Variants in MMP26 observed in about 807,000 individuals in gnomAD.
MMP26 encodes matrix metalloproteinase-26.
In MMP26, 33 loss-of-function variants were observed where a neutral mutation model predicts 31.0. That is an observed-to-expected ratio of 1.06 (90% CI 0.81 to 1.42). MMP26 has a LOEUF of 1.42. Ranked by LOEUF, MMP26 falls within the 40% of genes most tolerant of loss-of-function variation. The probability of loss-of-function intolerance (pLI) is 0.00; values close to 1 mark genes in which losing one functional copy is unlikely to be tolerated. For missense variants in MMP26, 347 were observed against 316.1 expected, an observed-to-expected ratio of 1.10 and a Z score of -0.74; for synonymous variants, 122 against 114.9, an observed-to-expected ratio of 1.06 and a Z score of -0.40.
Position 4,962,055 on chromosome 11 carries a change from T to G in MMP26, c.-144-26013T>G, listed in dbSNP as rs568523919. Among the ~76,000 whole-genome samples, 5 of 152,262 alleles carry G rather than the reference T, an allele frequency of 3.3e-5. No homozygotes were observed. In the South Asian group the frequency reaches 1.0e-3, roughly 32 times the overall value. On this transcript the variant is annotated intron_variant, in intron 2 of 7. Coordinates refer to ENST00000380390, the MANE Select transcript of MMP26 (RefSeq NM_021801.5). ...TTTTTTGTTTTTGTTTGTTTGTTTTTTGTATATTTATTCCTATCCTATCTG... is the reference window on the plus strand; with the variant it reads ...TTTTTTGTTTTTGTTTGTTTGTTTTGTGTATATTTATTCCTATCCTATCTG...
chr11:4,952,378 T>C lies in MMP26; in HGVS notation c.-144-35690T>C, dbSNP rs1213352568. 6.4e-5 allele frequency among the ~76,000 whole-genome samples: 8 copies of C among 124,812 alleles called. 2 individuals are homozygous for C. The highest frequency in any genetic ancestry group is 4.8e-4 in the South Asian group (2 of 4,146). 81.9% of individuals were successfully genotyped at this position (124,812 alleles called of 152,430 possible). A position where few individuals can be genotyped will look rare whatever the true frequency, so the allele number is the denominator to read the frequency against. ...GCTGCCTATCCTCACCCTGAGAGAATAGGAGCTTCTGTTTCTTTCAATTAA... is the reference window on the plus strand; with the variant it reads ...GCTGCCTATCCTCACCCTGAGAGAACAGGAGCTTCTGTTTCTTTCAATTAA... On this transcript the variant is annotated intron_variant, in intron 2 of 7. Coordinates refer to ENST00000380390, the MANE Select transcript of MMP26 (RefSeq NM_021801.5).
Position 4,922,815 on chromosome 11 carries a change from AG to A in MMP26, c.-144-65250del, listed in dbSNP as rs2060785372. 4.6e-5 allele frequency among the ~76,000 whole-genome samples: 7 copies of A among 152,270 alleles called. No individual in the cohort carries two copies. In the South Asian group the frequency reaches 1.5e-3, roughly 32 times the overall value. ...ATTTGATAACTTCCCTTAAACTCCCAGGGTGTCTCCTCCTTTTCTTAATTTT... is the reference window on the plus strand; with the variant it reads ...ATTTGATAACTTCCCTTAAACTCCCAGGTGTCTCCTCCTTTTCTTAATTTT... On this transcript the variant is annotated intron_variant, in intron 2 of 7. Coordinates refer to ENST00000380390, the MANE Select transcript of MMP26 (RefSeq NM_021801.5).
intron 1 of MMP26, among the ~76,000 whole-genome samples, chr11:4,745,574 C>T (rs1023982255): frequency 5.9e-5 from 9 of 152,196 alleles, no homozygotes; most frequent in Admixed American, 3.9e-4. Flanking sequence ...TACATTTGTA[C>T]GTTCGTCACT....
chr11:4,943,070 C>G lies in MMP26; in HGVS notation c.-144-44998C>G, dbSNP rs149118198. On this transcript the variant is annotated intron_variant, in intron 2 of 7. Transcript: ENST00000380390. ...TCTCTCCACCTAATTCACATATTCTCTGCTTGGACTAAATGATGCTCCCCT... is the reference window on the plus strand; with the variant it reads ...TCTCTCCACCTAATTCACATATTCTGTGCTTGGACTAAATGATGCTCCCCT... The G allele has an allele frequency of 6.7e-3, 1,081 of 160,214 alleles. 15 individuals carry two copies. Among genetic ancestry groups the G allele is most frequent in the African/African-American group, 0.023 (940 of 41,646 alleles). The allele number at this position is 160,214 out of a possible 1,614,324, so 9.9% of individuals were successfully genotyped here. A position where few individuals can be genotyped will look rare whatever the true frequency, so the allele number is the denominator to read the frequency against.
Position 4,894,701 on chromosome 11 carries a change from G to T in MMP26, c.-144-93367G>T, listed in dbSNP as rs534713966. ...AGCAAGGGCAATACCTGCTAAGCCA[G>T]ATCAGGAGGTAAAGAAGGTAAGAGA... On this transcript the variant is annotated intron_variant, in intron 2 of 7. Transcript: ENST00000380390. 7.9e-5 allele frequency among the ~76,000 whole-genome samples: 12 copies of T among 152,272 alleles called. No homozygotes were observed. The South Asian group carries it at 1.0e-3, about 13-fold the overall frequency.
At chr11:4,863,987 G>A (rs1299390514) in intron 2 of MMP26, among the ~76,000 whole-genome samples, 1 of 152,122 alleles carries the variant, frequency 6.6e-6, no homozygotes, top group Non-Finnish European at 1.5e-5. Context: ...TTTGAATCAT[G>A]TTTAATCACT....
intron 1 of MMP26, among the ~76,000 whole-genome samples, chr11:4,762,624 A>T (rs1848581537): frequency 6.6e-6 from 1 of 152,202 alleles, no homozygotes; most frequent in African/African-American, 2.4e-5. Flanking sequence ...ATCAGGTAGT[A>T]TATTTTCAGA....
chr11:4,786,509 T>TTTA (rs1554932988), intron 2 of MMP26, among the ~76,000 whole-genome samples: 13 of 145,800 alleles, frequency 8.9e-5, no homozygotes, highest in Non-Finnish European at 1.7e-4. Flanking sequence ...TTTTTTTTTT[T>TTTA]TTTTTTTTTT....
intron 1 of MMP26, among the ~76,000 whole-genome samples, chr11:4,759,053 C>A (rs1489700792): frequency 7.3e-6 from 1 of 137,180 alleles, no homozygotes; most frequent in Non-Finnish European, 1.5e-5. Flanking sequence ...AGAGATTGCA[C>A]TGAGCCGAGA....
intron 1 of MMP26, among the ~76,000 whole-genome samples, chr11:4,727,473 T>A (rs538253890): frequency 7.9e-5 from 12 of 152,284 alleles, no homozygotes; most frequent in Non-Finnish European, 1.2e-4. Context: ...CTGTATTTTT[T>A]AAAATGTTTG....
intron 1 of MMP26, chr11:4,723,382 T>C: frequency 1.1e-6 from 1 of 947,710 alleles, no homozygotes; most frequent in South Asian, 1.3e-5. Context: ...GGAGATCACC[T>C]TGTACTGCGC....
At chr11:4,910,270 A>G (rs932713450) in intron 2 of MMP26, among the ~76,000 whole-genome samples, 1 of 152,016 alleles carries the variant, frequency 6.6e-6, no homozygotes, top group Non-Finnish European at 1.5e-5. Context: ...CTATAGTCTC[A>G]TCTCTGACCA....
At chr11:4,829,238 C>G (rs1425389996) in intron 2 of MMP26, among the ~76,000 whole-genome samples, 1 of 152,116 alleles carries the variant, frequency 6.6e-6, no homozygotes, top group Non-Finnish European at 1.5e-5. Flanking sequence ...GTTAAGCCAA[C>G]TAGGCCCATG....
At chr11:4,929,390 G>A (rs533024575) in intron 2 of MMP26, among the ~76,000 whole-genome samples, 5 of 152,154 alleles carry the variant, frequency 3.3e-5, no homozygotes, top group African/African-American at 1.2e-4. Context: ...CAAAATGTTT[G>A]TCAGCAGGTA....
intron 1 of MMP26, chr11:4,710,014 C>T (rs747299345): frequency 4.4e-6 from 2 of 456,758 alleles, no homozygotes; most frequent in South Asian, 1.5e-5. Context: ...GTGGGCTTTG[C>T]AATTGTTCTT....
intron 2 of MMP26, chr11:4,769,701 G>T: frequency 6.2e-7 from 1 of 1,612,940 alleles, no homozygotes. Flanking sequence ...GTCAAGCCCA[G>T]ATCAGTGGCT....
chr11:4,915,695 C>T lies in MMP26; in HGVS notation c.-144-72373C>T, dbSNP rs760839757. The stretch of plus-strand genomic sequence containing the variant: ...AGGAGACAAGGGGGAAGGTGGGTGC[C>T]CTCCAAAATCCTGAAGTAAATTGAG... On this transcript the variant is annotated intron_variant, in intron 2 of 7. Transcript: ENST00000380390. The T allele has an allele frequency of 6.0e-6, 9 of 1,501,190 alleles. No individual in the cohort carries two copies. In the African/African-American group the frequency reaches 1.1e-4, roughly 19 times the overall value. The allele number at this position is 1,501,190 out of a possible 1,614,324, so 93.0% of individuals were successfully genotyped here. A position where few individuals can be genotyped will look rare whatever the true frequency, so the allele number is the denominator to read the frequency against.
At chr11:4,801,423 C>T (rs567437851) in intron 2 of MMP26, among the ~76,000 whole-genome samples, 10 of 152,106 alleles carry the variant, frequency 6.6e-5, no homozygotes, top group Admixed American at 6.5e-5. Flanking sequence ...GCAATCATGG[C>T]AGAAGACAAA....
intron 2 of MMP26, among the ~76,000 whole-genome samples, chr11:4,861,208 A>G (rs544123082): frequency 6.7e-6 from 1 of 150,240 alleles, no homozygotes. Context: ...AGATACATAC[A>G]GTTTCCAAGT....
Sources: allele counts gnomAD v4.1 joint callset (sites outside exome capture counted in the v4.1 genomes callset), GRCh38; gene constraint gnomAD v4.1.1; transcripts MANE v1.5; gene names NCBI Gene and HGNC (gene_info 2026-07-23, HGNC 2026-07-21).